Variants in ECI2 observed in about 807,000 individuals in gnomAD.
The protein encoded by ECI2 is enoyl-CoA delta isomerase 2, also known as D3,D2-enoyl-CoA isomerase.
ECI2 carries 27 observed loss-of-function variants against 38.4 expected under a neutral mutation model. The observed-to-expected ratio is 0.70, with a 90% CI of 0.52 to 0.97. ECI2 has a LOEUF of 0.97. Ranked by LOEUF, ECI2 falls within the 50% of genes least tolerant of loss-of-function variation. The pLI, the probability that ECI2 is intolerant of heterozygous loss-of-function variation, is 0.00. For missense variants in ECI2, 470 were observed against 474.4 expected (o/e 0.99, Z 0.09); for synonymous variants, 168 against 172.0 (o/e 0.98, Z 0.18).
chr6:4,125,823 C>G (rs1773116152), intron 6 of ECI2: 2 of 469,864 alleles, frequency 4.3e-6, no homozygotes, highest in Non-Finnish European at 7.9e-6. Flanking sequence ...ATCTCCCATT[C>G]CTCTGGCTGG....
intron 4 of ECI2, among the ~76,000 whole-genome samples, chr6:4,128,303 C>T (rs1240158507): frequency 1.3e-5 from 2 of 151,848 alleles, no homozygotes; most frequent in African/African-American, 2.4e-5. Context: ...CTCAAGGAAG[C>T]CCCTGGCAGT....
rs1772240118 is a variant in ECI2, at chr6:4,116,016, GA to G, written c.1042del (p.Ser348GlnfsTer4). On this transcript the variant is annotated frameshift_variant, in exon 10 of 10. Transcript: ENST00000380118. LOFTEE classifies it low-confidence loss of function (END_TRUNC). ...CTCTCTTTTCCTGATTACCTCTTTT[GA>G]AATTCTCAAGGCCTGGAAAAACAAA... ...AKLPPNALRISKEVIRKRERE... is the reference protein window; with the variant it reads ...AKLPPNALRIXKEVIRKRERE... The G allele has an allele frequency of 6.2e-7, 1 of 1,613,104 alleles. No individual in the cohort carries two copies. Among genetic ancestry groups the G allele is most frequent in the African/African-American group, 1.3e-5 (1 of 74,820 alleles).
intron 2 of ECI2, among the ~76,000 whole-genome samples, chr6:4,133,319 C>T (rs557908506): frequency 4.9e-4 from 75 of 152,104 alleles, no homozygotes; most frequent in African/African-American, 1.7e-3. Context: ...TATTATATCT[C>T]GTAAGTCTCT....
chr6:4,125,785 G>T (rs779726041), intron 6 of ECI2: 1 of 424,206 alleles, frequency 2.4e-6, no homozygotes, highest in Non-Finnish European at 4.4e-6. Context: ...AGACTCCTCC[G>T]AGTCTCCTAC....
At chr6:4,126,285 T>A in intron 5 of ECI2, 48 bp from the exon 6 acceptor site, 1 of 1,494,228 alleles carries the variant, frequency 6.7e-7, no homozygotes, top group Non-Finnish European at 9.2e-7. Context: ...ATCCTATAAT[T>A]CTTGAGTATC....
At chr6:4,120,714 G>GAA (rs759717859) in intron 7 of ECI2, among the ~76,000 whole-genome samples, 1 of 138,450 alleles carries the variant, frequency 7.2e-6, no homozygotes, top group South Asian at 2.3e-4. Flanking sequence ...ATGACAGAGT[G>GAA]AAAAAAAAAA....
At chr6:4,119,394 C>T in intron 7 of ECI2, 119 bp from the exon 8 acceptor site, 2 of 652,930 alleles carry the variant, frequency 3.1e-6, no homozygotes, top group Non-Finnish European at 5.1e-6. Flanking sequence ...GATCTCGGCT[C>T]ACTGCAACCT....
chr6:4,126,378 T>C, intron 5 of ECI2, 141 bp from the exon 6 acceptor site: 1 of 653,252 alleles, frequency 1.5e-6, no homozygotes, highest in Non-Finnish European at 2.6e-6. Flanking sequence ...TACAAACTAG[T>C]GAGTACGCTG....
rs533518635 is a variant in ECI2, at chr6:4,115,952, A to G, written c.1107T>C (p.Asn369=). 1.9e-6 allele frequency: 3 copies of G among 1,614,144 alleles called. No homozygotes were observed. The highest frequency in any genetic ancestry group is 1.3e-5 in the African/African-American group (1 of 75,064). ...KLHAVNAEEC[N]VLQGRWLSDE... is the part of the protein sequence containing the mutation. ...CTGATAGCCATCTTCCCTGAAGGAC[A>G]TTGCATTCTTCAGCATTAACAGCGT... Residue 369 remains asparagine, a synonymous_variant, in exon 10 of 10, where the codon AAT becomes AAC. Coordinates refer to ENST00000380118, the MANE Select transcript of ECI2 (RefSeq NM_206836.3).
chr6:4,120,767 C>T (rs576601570), intron 7 of ECI2, among the ~76,000 whole-genome samples: 3 of 151,684 alleles, frequency 2.0e-5, no homozygotes, highest in Admixed American at 6.6e-5. Context: ...TCTTAGGAGA[C>T]CAGCGTTTTA....
chr6:4,131,073 C>A (rs1344918229), intron 2 of ECI2: 1 of 477,512 alleles, frequency 2.1e-6, no homozygotes, highest in Non-Finnish European at 3.7e-6. Context: ...TAAATTATAA[C>A]TGCCTGTCTA....
At chr6:4,119,384 G>C (rs1001888046) in intron 7 of ECI2, 109 bp from the exon 8 acceptor site, 4 of 766,402 alleles carry the variant, frequency 5.2e-6, no homozygotes, top group Non-Finnish European at 8.1e-6. Flanking sequence ...GAAGTGGCGC[G>C]ATCTCGGCTC....
chr6:4,130,188 A>C (rs1773428541), intron 4 of ECI2, 184 bp downstream of exon 4: 1 of 1,613,876 alleles, frequency 6.2e-7, no homozygotes, highest in Non-Finnish European at 8.5e-7. Context: ...CCTGAAATTC[A>C]CAAACTCTAA....
intron 9 of ECI2, 118 bp from the exon 10 acceptor site, chr6:4,116,147 T>C: frequency 9.0e-7 from 1 of 1,109,272 alleles, no homozygotes; most frequent in South Asian, 1.7e-5. Flanking sequence ...GGTCAGGAGT[T>C]CAAGACCAGC....
At chr6:4,116,065 G>T in intron 9 of ECI2, 36 bp from the exon 10 acceptor site, 1 of 1,595,222 alleles carries the variant, frequency 6.3e-7, no homozygotes, top group South Asian at 1.1e-5. Flanking sequence ...GTTAAGAGTT[G>T]ACCTAGGCTG....
chr6:4,130,703 T>A, intron 3 of ECI2, 64 bp downstream of exon 3: 1 of 1,606,076 alleles, frequency 6.2e-7, no homozygotes, highest in Non-Finnish European at 8.5e-7. Context: ...TACAATGGCT[T>A]AATGAGAAGC....
chr6:4,120,310 T>C (rs1772623944), intron 7 of ECI2, among the ~76,000 whole-genome samples: 1 of 152,216 alleles, frequency 6.6e-6, no homozygotes, highest in Non-Finnish European at 1.5e-5. Context: ...CACAGCCTAC[T>C]GCACACCTAG....
At chr6:4,127,404 CTTTTTTTTTTTTTT>C (rs71001567) in intron 5 of ECI2, among the ~76,000 whole-genome samples, 1 of 75,886 alleles carries the variant, frequency 1.3e-5, no homozygotes, top group African/African-American at 5.5e-5. Flanking sequence ...ATCTTAGAGC[CTTTTTTTTTTTTTT>C]TTTTTTTTTT....
At chr6:4,131,333 G>A (rs1773500303) in intron 2 of ECI2, among the ~76,000 whole-genome samples, 1 of 152,146 alleles carries the variant, frequency 6.6e-6, no homozygotes, top group African/African-American at 2.4e-5. Flanking sequence ...AACTGTAGCT[G>A]AGGGGCTAGG....
Sources: gnomAD v4.1 joint callset for allele counts (sites outside exome capture counted in the v4.1 genomes callset) on GRCh38, gnomAD v4.1.1 for gene constraint, MANE v1.5 for transcripts, NCBI Gene and HGNC (gene_info 2026-07-23, HGNC 2026-07-21) for gene names.